Variants in ZBTB20 observed in about 807,000 individuals in gnomAD.
ZBTB20 encodes zinc finger and BTB domain-containing protein 20.
ZBTB20 carries 9 observed loss-of-function variants against 56.9 expected under a neutral mutation model. That is an observed-to-expected ratio of 0.16 (90% confidence interval 0.10 to 0.28). ZBTB20 has a LOEUF of 0.28. Ranked by LOEUF, ZBTB20 falls within the 10% of genes least tolerant of loss-of-function variation. ZBTB20 has a pLI of 1.00. For missense variants in ZBTB20, 655 were observed against 1,003.0 expected, an observed-to-expected ratio of 0.65 and a Z score of 4.69; for synonymous variants, 417 against 420.7, an observed-to-expected ratio of 0.99 and a Z score of 0.11.
intron 1 of ZBTB20, among the ~76,000 whole-genome samples, chr3:115,105,187 A>ATAATAATAGTTATTAGTAGTTATAATAGT (rs2083686533): frequency 6.6e-6 from 1 of 152,180 alleles, no homozygotes; most frequent in African/African-American, 2.4e-5. Flanking sequence ...ACAGCGTATC[A>ATAATAATAGTTATTAGTAGTTATAATAGT]TAATAATAGT....
Position 114,338,651 on chromosome 3 carries a change from A to AG in ZBTB20, c.*353_*354insC. The AG allele has an allele frequency of 6.5e-6, 1 of 154,372 alleles. No individual in the cohort carries two copies. Among genetic ancestry groups the AG allele is most frequent in the Non-Finnish European group, 1.4e-5 (1 of 72,796 alleles). The allele number at this position is 154,372 out of a possible 1,614,324, so 9.6% of individuals were successfully genotyped here. On this transcript the variant is annotated 3_prime_UTR_variant, in exon 12 of 12. Coordinates refer to ENST00000675478, the MANE Select transcript of ZBTB20 (RefSeq NM_001348800.3). Reference sequence around the variant, plus strand: ...TTTGTAGTGCTCTTCACAAGTGGAAATTTTTTTTTTTTTTTTACTTTTTTT... The same window carrying AG: ...TTTGTAGTGCTCTTCACAAGTGGAAAGTTTTTTTTTTTTTTTTACTTTTTTT...
At chr3:114,725,522 G>A (rs1296404575) in intron 5 of ZBTB20, among the ~76,000 whole-genome samples, 3 of 152,206 alleles carry the variant, frequency 2.0e-5, no homozygotes, top group Non-Finnish European at 2.9e-5. Context: ...GATAATGAAA[G>A]TCAATATATA....
intron 2 of ZBTB20, among the ~76,000 whole-genome samples, chr3:114,990,897 G>T (rs566324348): frequency 4.6e-5 from 7 of 152,262 alleles, no homozygotes; most frequent in African/African-American, 7.2e-5. Context: ...TTGCATAGAG[G>T]TGTTTATAGT....
chr3:114,810,504 C>G (rs116630719), intron 4 of ZBTB20, among the ~76,000 whole-genome samples: 2 of 152,142 alleles, frequency 1.3e-5, no homozygotes, highest in Non-Finnish European at 2.9e-5. Context: ...ATGACTTGTC[C>G]TGCCCTGGCA....
At chr3:114,809,890 A>C (rs138433741) in intron 4 of ZBTB20, among the ~76,000 whole-genome samples, 1 of 152,316 alleles carries the variant, frequency 6.6e-6, no homozygotes, top group East Asian at 1.9e-4. Context: ...CTTGCCTAAC[A>C]TAACTCTGTG....
At chr3:114,454,512 A>T (rs2091884834) in intron 7 of ZBTB20, 1 of 136,648 alleles carries the variant, frequency 7.3e-6, no homozygotes, top group African/African-American at 2.7e-5. Flanking sequence ...TCGGTCTCCT[A>T]AAAAAAAAAA....
At chr3:114,614,223 A>G (rs2057759616) in intron 6 of ZBTB20, among the ~76,000 whole-genome samples, 1 of 152,226 alleles carries the variant, frequency 6.6e-6, no homozygotes, top group East Asian at 1.9e-4. Context: ...TATTCTTACC[A>G]GAGCAGTAGC....
chr3:115,058,165 G>A (rs748902556), intron 2 of ZBTB20, among the ~76,000 whole-genome samples: 2 of 152,098 alleles, frequency 1.3e-5, no homozygotes, highest in African/African-American at 2.4e-5. Context: ...TACAATTCCC[G>A]ATGAGATTTG....
intron 4 of ZBTB20, among the ~76,000 whole-genome samples, chr3:114,824,080 C>T (rs577551188): frequency 6.6e-5 from 10 of 151,998 alleles, no homozygotes; most frequent in Admixed American, 2.0e-4. Flanking sequence ...AGCTAGGAAA[C>T]GCTCCTCAAA....
intron 6 of ZBTB20, among the ~76,000 whole-genome samples, chr3:114,557,978 A>G (rs894136301): frequency 1.3e-5 from 2 of 152,086 alleles, no homozygotes. Flanking sequence ...GTGACTCACT[A>G]CAGCCCTAAT....
chr3:114,823,065 G>C (rs1006468165), intron 4 of ZBTB20, among the ~76,000 whole-genome samples: 1 of 152,046 alleles, frequency 6.6e-6, no homozygotes, highest in African/African-American at 2.4e-5. Flanking sequence ...TAATGCTATA[G>C]AAATCCTACA....
At chr3:114,647,273 T>C (rs2059900374) in intron 6 of ZBTB20, among the ~76,000 whole-genome samples, 1 of 152,196 alleles carries the variant, frequency 6.6e-6, no homozygotes, top group Non-Finnish European at 1.5e-5. Flanking sequence ...AGTTTTATAC[T>C]TCTCAAGAAA....
intron 6 of ZBTB20, among the ~76,000 whole-genome samples, chr3:114,611,082 T>C (rs779967481): frequency 3.9e-5 from 6 of 152,170 alleles, no homozygotes; most frequent in African/African-American, 7.2e-5. Flanking sequence ...AGAATATCCT[T>C]GGGATCTCTG....
rs2079900283 is a variant in ZBTB20 at position 115,015,257 on chromosome 3, GT to G, written c.-506-40842del. Among the ~76,000 whole-genome samples the G allele has an allele frequency of 7.2e-5, 11 of 151,826 alleles. No homozygotes were observed. In the South Asian group the frequency reaches 2.1e-3, roughly 29 times the overall value. On this transcript the variant is annotated intron_variant, in intron 2 of 11. Coordinates refer to ENST00000675478, the MANE Select transcript of ZBTB20 (RefSeq NM_001348800.3). ...TTGTGCACAAATAAAGAAACATATTGTTTCATTCCTATAAGATACATAAATA... is the reference window on the plus strand; with the variant it reads ...TTGTGCACAAATAAAGAAACATATTGTTCATTCCTATAAGATACATAAATA...
rs749105358 is a variant in ZBTB20, at chr3:114,316,557, T to C, written c.*22448A>G. 9.4e-6 allele frequency: 5 copies of C among 533,776 alleles called. No homozygotes were observed. The highest frequency in any genetic ancestry group is 7.0e-5 in the South Asian group (5 of 71,296). 33.1% of individuals were successfully genotyped at this position (533,776 alleles called of 1,614,324 possible). On this transcript the variant is annotated 3_prime_UTR_variant, in exon 12 of 12. Transcript: ENST00000675478. ...GAAGTGTGTATACATTTATACATAA[T>C]ATAGTGTATATCGTTTCAACTGGAG...
intron 7 of ZBTB20, among the ~76,000 whole-genome samples, chr3:114,465,913 T>C (rs2092531164): frequency 6.6e-6 from 1 of 152,126 alleles, no homozygotes; most frequent in Non-Finnish European, 1.5e-5. Flanking sequence ...ACATCCTCAA[T>C]CTTCAGACAT....
chr3:114,455,992 T>G (rs1322525551), intron 7 of ZBTB20, among the ~76,000 whole-genome samples: 1 of 152,036 alleles, frequency 6.6e-6, no homozygotes, highest in Non-Finnish European at 1.5e-5. Flanking sequence ...GCCAGTGCTC[T>G]TTCCACCACA....
At chr3:114,970,395 T>C (rs547680010) in intron 3 of ZBTB20, among the ~76,000 whole-genome samples, 3 of 152,210 alleles carry the variant, frequency 2.0e-5, no homozygotes, top group Non-Finnish European at 4.4e-5. Context: ...CTGGGTATTT[T>C]AGGGAATGGT....
chr3:115,011,336 A>C (rs2079700073), intron 2 of ZBTB20, among the ~76,000 whole-genome samples: 1 of 150,492 alleles, frequency 6.6e-6, no homozygotes, highest in African/African-American at 2.4e-5. Flanking sequence ...TAACCCAAAG[A>C]AGACTACCTC....
Sources: allele counts gnomAD v4.1 joint callset (sites outside exome capture counted in the v4.1 genomes callset), GRCh38; gene constraint gnomAD v4.1.1; transcripts MANE v1.5; gene names NCBI Gene and HGNC (gene_info 2026-07-23, HGNC 2026-07-21).